Variants in NUS1 observed in about 807,000 individuals in gnomAD.
NUS1 encodes dehydrodolichyl diphosphate synthase complex subunit NUS1.
For missense variants in NUS1, 292 were observed against 382.9 expected (o/e 0.76, Z 1.98); for synonymous variants, 135 against 155.2 (o/e 0.87, Z 0.97).
chr6:117,695,974 C>A (rs530065225), intron 3 of NUS1, among the ~76,000 whole-genome samples: 20 of 152,062 alleles, frequency 1.3e-4, no homozygotes, highest in African/African-American at 4.1e-4. Context: ...TGGTTTGTTT[C>A]CAGTTTTTGA....
intron 1 of NUS1, among the ~76,000 whole-genome samples, chr6:117,680,838 A>G (rs1038903406): frequency 6.6e-6 from 1 of 152,114 alleles, no homozygotes; most frequent in African/African-American, 2.4e-5. Context: ...AAGACAACAA[A>G]TTTTTTTTGT....
chr6:117,701,379 G>A (rs1253593219), intron 3 of NUS1, among the ~76,000 whole-genome samples: 2 of 151,800 alleles, frequency 1.3e-5, no homozygotes, highest in African/African-American at 2.4e-5. Context: ...CGAGTAGCTG[G>A]GACTACAGGC....
Position 117,707,128 on chromosome 6 carries a change from T to C in NUS1, c.*113T>C. On this transcript the variant is annotated 3_prime_UTR_variant, in exon 5 of 5. Transcript: ENST00000368494. ...GTACACACCTAGTTCATAATCCTCA[T>C]AATTTATCAACAAACACAAAAAAGT... is the stretch of plus-strand genomic sequence containing the variant. The C allele has an allele frequency of 1.1e-6, 1 of 908,106 alleles. No individual in the cohort carries two copies. Among genetic ancestry groups the C allele is most frequent in the East Asian group, 2.6e-5 (1 of 38,852 alleles). 56.3% of individuals were successfully genotyped at this position (908,106 alleles called of 1,614,324 possible). A position where few individuals can be genotyped will look rare whatever the true frequency, so the allele number is the denominator to read the frequency against.
intron 1 of NUS1, among the ~76,000 whole-genome samples, chr6:117,677,414 A>G (rs938191034): frequency 2.6e-5 from 4 of 152,182 alleles, no homozygotes; most frequent in African/African-American, 9.7e-5. Context: ...GTCAGGTTTG[A>G]TTTTCAATCA....
chr6:117,675,829 C>A lies in NUS1; in HGVS notation c.159C>A (p.Gly53=). ...AASAAVLAPL[G]FTLRKPPAVG... ...CTGCCGCGGTCCTAGCGCCGCTCGGCTTCACGCTCCGCAAGCCCCCGGCAG... is the reference window on the plus strand; with the variant it reads ...CTGCCGCGGTCCTAGCGCCGCTCGGATTCACGCTCCGCAAGCCCCCGGCAG... The change falls in exon 1 of 5, where the codon GGC becomes GGA. Residue 53 remains glycine, a synonymous_variant. Transcript: ENST00000368494. 10 of 1,547,034 alleles carry A rather than the reference C, an allele frequency of 6.5e-6. No homozygotes were observed. The highest frequency in any genetic ancestry group is 8.7e-6 in the Non-Finnish European group (10 of 1,147,024).
intron 1 of NUS1, among the ~76,000 whole-genome samples, chr6:117,679,653 G>A (rs1481205989): frequency 1.3e-5 from 2 of 152,160 alleles, no homozygotes; most frequent in East Asian, 3.8e-4. Flanking sequence ...GATGGGGCAG[G>A]TTGGTCATCT....
At chr6:117,703,976 A>T (rs1283929840) in intron 4 of NUS1, among the ~76,000 whole-genome samples, 1 of 152,194 alleles carries the variant, frequency 6.6e-6, no homozygotes, top group East Asian at 1.9e-4. Context: ...TGATCCGCAG[A>T]TACATAAAAT....
chr6:117,692,081 G>T (rs1403315725), intron 1 of NUS1, among the ~76,000 whole-genome samples: 1 of 152,050 alleles, frequency 6.6e-6, no homozygotes, highest in South Asian at 2.1e-4. Flanking sequence ...GTTCTATGGG[G>T]TGAGGAAAGA....
At chr6:117,680,926 A>G (rs1317998188) in intron 1 of NUS1, among the ~76,000 whole-genome samples, 2 of 152,172 alleles carry the variant, frequency 1.3e-5, no homozygotes, top group Admixed American at 6.5e-5. Context: ...TTTTGGGTAC[A>G]GGTTTCTCAC....
intron 3 of NUS1, among the ~76,000 whole-genome samples, chr6:117,700,046 A>G (rs144529922): frequency 7.2e-5 from 11 of 152,304 alleles, no homozygotes; most frequent in Non-Finnish European, 1.2e-4. Flanking sequence ...TCTCAAACTA[A>G]GCAACTACTA....
chr6:117,681,872 G>A (rs932421198), intron 1 of NUS1, among the ~76,000 whole-genome samples: 6 of 152,126 alleles, frequency 3.9e-5, no homozygotes, highest in African/African-American at 1.4e-4. Context: ...TGGCTCTGTC[G>A]CCCAGGCTGG....
In NUS1 at chr6:117,709,066, A is replaced by C. The variant is rs569597518; in HGVS notation, c.*2051A>C. 7.9e-5 allele frequency: 12 copies of C among 152,222 alleles called. 1 individual carries two copies. The East Asian group carries it at 2.1e-3, about 27-fold the overall frequency. 9.4% of individuals were successfully genotyped at this position (152,222 alleles called of 1,614,324 possible). ...AAGTTCTAGGAAGAGGCAAACTACA[A>C]ACTACTAGGATTCTGATTTCAGATG... is the stretch of plus-strand genomic sequence containing the variant. On this transcript the variant is annotated 3_prime_UTR_variant, in exon 5 of 5. Coordinates refer to ENST00000368494, the MANE Select transcript of NUS1 (RefSeq NM_138459.5).
At chr6:117,705,986 A>C (rs1773494411) in intron 4 of NUS1, among the ~76,000 whole-genome samples, 1 of 152,136 alleles carries the variant, frequency 6.6e-6, no homozygotes, top group Non-Finnish European at 1.5e-5. Flanking sequence ...GAGTCCTTTC[A>C]AGGTAGGTTT....
At chr6:117,704,109 A>G (rs528917347) in intron 4 of NUS1, among the ~76,000 whole-genome samples, 1 of 152,308 alleles carries the variant, frequency 6.6e-6, no homozygotes, top group African/African-American at 2.4e-5. Flanking sequence ...GTATGAGATG[A>G]AATCAAATAG....
chr6:117,685,292 G>T (rs1773120602), intron 1 of NUS1, among the ~76,000 whole-genome samples: 1 of 151,840 alleles, frequency 6.6e-6, no homozygotes, highest in Non-Finnish European at 1.5e-5. Context: ...TAGATTCAAA[G>T]GATATGTGTG....
At chr6:117,702,175 G>A (rs1290248482) in intron 3 of NUS1, among the ~76,000 whole-genome samples, 1 of 152,030 alleles carries the variant, frequency 6.6e-6, no homozygotes, top group Non-Finnish European at 1.5e-5. Context: ...TATTAACTGG[G>A]GCTACAACCT....
chr6:117,696,350 GT>G (rs772469015), intron 3 of NUS1, among the ~76,000 whole-genome samples: 11 of 152,102 alleles, frequency 7.2e-5, no homozygotes, highest in Non-Finnish European at 1.3e-4. Context: ...GGGTTACAAA[GT>G]TTATTTAAAC....
rs1449055460 is a variant in NUS1 at position 117,707,517 on chromosome 6, G to A, written c.*502G>A. On this transcript the variant is annotated 3_prime_UTR_variant, in exon 5 of 5. Coordinates refer to ENST00000368494, the MANE Select transcript of NUS1 (RefSeq NM_138459.5). ...AGTTGAAAGGAGCTCCAGAGGAGTG[G>A]AGTTCTGTGTTGCTCACATGTTAAA... 2.9e-5 allele frequency: 4 copies of A among 139,608 alleles called. No individual in the cohort carries two copies. In the Admixed American group the frequency reaches 2.9e-4, roughly 10 times the overall value. The allele number at this position is 139,608 out of a possible 1,614,324, so 8.6% of individuals were successfully genotyped here.
In NUS1 at chr6:117,682,143, G is replaced by A. The variant is rs73528137; in HGVS notation, c.415+6058G>A. Among the ~76,000 whole-genome samples, 734 of 151,984 alleles carry A rather than the reference G, an allele frequency of 4.8e-3. 4 individuals carry two copies. Among genetic ancestry groups the A allele is most frequent in the African/African-American group, 0.017 (699 of 41,508 alleles). The stretch of plus-strand genomic sequence containing the variant: ...CACCGTGCCCAGCTTGTTGATTCTT[G>A]TAAGTTCATCCTAACTATCATCTCT... On this transcript the variant is annotated intron_variant, in intron 1 of 4. Coordinates refer to ENST00000368494, the MANE Select transcript of NUS1 (RefSeq NM_138459.5).
Sources: gnomAD v4.1 joint callset for allele counts (sites outside exome capture counted in the v4.1 genomes callset) on GRCh38, gnomAD v4.1.1 for gene constraint, MANE v1.5 for transcripts, NCBI Gene and HGNC (gene_info 2026-07-23, HGNC 2026-07-21) for gene names.